RBFOX3: variants seen among roughly 807,000 people sequenced by gnomAD.
RBFOX3 encodes RNA binding fox-1 homolog 3, also known as RNA binding protein fox-1 homolog 3.
In RBFOX3, 17 loss-of-function variants were observed where a neutral mutation model predicts 48.7. That is an observed-to-expected ratio of 0.35 (90% CI 0.24 to 0.52). The LOEUF (loss-of-function observed/expected upper bound fraction) is 0.52, where lower values mean the gene tolerates loss of function less well. RBFOX3 is among the 20% of genes least tolerant of loss of function. The pLI is 0.94. For missense variants in RBFOX3, 382 were observed against 497.5 expected (o/e 0.77, Z 2.21); for synonymous variants, 212 against 209.5 (o/e 1.01, Z -0.10).
intron 2 of RBFOX3, among the ~76,000 whole-genome samples, chr17:79,375,354 A>G (rs938969195): frequency 2.0e-5 from 2 of 101,122 alleles, no homozygotes; most frequent in African/African-American, 7.1e-5. Context: ...TTAGGAAGAC[A>G]GAAGACACAC....
At chr17:79,416,788 T>C (rs1555719325) in intron 2 of RBFOX3, among the ~76,000 whole-genome samples, 1 of 152,230 alleles carries the variant, frequency 6.6e-6, no homozygotes, top group African/African-American at 2.4e-5. Flanking sequence ...TTGTGACCTT[T>C]AGAATCTAAA....
chr17:79,288,205 GC>G (rs1309971874), intron 3 of RBFOX3, among the ~76,000 whole-genome samples: 1 of 152,074 alleles, frequency 6.6e-6, no homozygotes, highest in Non-Finnish European at 1.5e-5. Context: ...CTTGCTGGCT[GC>G]CCGTCCCCTC....
the RBFOX3 span, among the ~76,000 whole-genome samples, chr17:79,621,999 G>T: frequency 0.049 from 7,510 of 152,278 alleles, 613 homozygotes; most frequent in African/African-American, 0.17. Flanking sequence ...TGAACTGTGC[G>T]TGTCTTTGAA....
At chr17:79,140,768 G>A (rs574101737) in intron 4 of RBFOX3, among the ~76,000 whole-genome samples, 1 of 152,350 alleles carries the variant, frequency 6.6e-6, no homozygotes, top group South Asian at 2.1e-4. Context: ...GGAGAGACAG[G>A]TTTAACTGTG....
chr17:79,155,554 G>A (rs1428384398), intron 4 of RBFOX3, among the ~76,000 whole-genome samples: 4 of 152,226 alleles, frequency 2.6e-5, no homozygotes, highest in Admixed American at 6.5e-5. Context: ...AATGCTGTAC[G>A]GCAGAGGTGG....
chr17:79,114,556 C>T (rs938820350), intron 5 of RBFOX3, among the ~76,000 whole-genome samples: 2 of 152,234 alleles, frequency 1.3e-5, no homozygotes, highest in African/African-American at 4.8e-5. Flanking sequence ...GTCCACGCAG[C>T]ACGCTGGGAG....
intron 1 of RBFOX3, among the ~76,000 whole-genome samples, chr17:79,498,868 T>TCATCTATC (rs2081984933): frequency 7.4e-6 from 1 of 135,650 alleles, no homozygotes; most frequent in Non-Finnish European, 1.6e-5. Flanking sequence ...ACCCATTCGC[T>TCATCTATC]CATCCATCCA....
At chr17:79,459,734 A>G (rs1373193548) in intron 2 of RBFOX3, among the ~76,000 whole-genome samples, 2 of 152,208 alleles carry the variant, frequency 1.3e-5, no homozygotes, top group African/African-American at 4.8e-5. Context: ...CAGGTGGGAC[A>G]CAGAGATGAT....
intron 3 of RBFOX3, among the ~76,000 whole-genome samples, chr17:79,239,327 C>T (rs1464875385): frequency 6.6e-6 from 1 of 152,206 alleles, no homozygotes; most frequent in Non-Finnish European, 1.5e-5. Context: ...AAACACGGAG[C>T]TGATTCTCAG....
intron 4 of RBFOX3, among the ~76,000 whole-genome samples, chr17:79,178,660 A>G (rs142407418): frequency 8.5e-4 from 129 of 152,328 alleles, no homozygotes; most frequent in African/African-American, 3.0e-3. Context: ...AAGAACCCAC[A>G]AATGTAACCG....
At chr17:79,251,098 C>T (rs183808416) in intron 3 of RBFOX3, among the ~76,000 whole-genome samples, 217 of 152,186 alleles carry the variant, frequency 1.4e-3, no homozygotes, top group African/African-American at 5.0e-3. Flanking sequence ...CTGCCGCGCC[C>T]GGCCTATCCC....
the RBFOX3 span, among the ~76,000 whole-genome samples, chr17:79,653,883 CAAAA>C: frequency 4.5e-5 from 3 of 66,566 alleles, no homozygotes; most frequent in Admixed American, 1.7e-4. Flanking sequence ...TCTCTACCAC[CAAAA>C]AAAAAAAAAA....
chr17:79,556,237 C>G (rs2091746461), intron 1 of RBFOX3, among the ~76,000 whole-genome samples: 1 of 152,156 alleles, frequency 6.6e-6, no homozygotes, highest in Admixed American at 6.5e-5. Flanking sequence ...CCCTGCTGAC[C>G]CCTCAAACAC....
Position 79,346,246 on chromosome 17 carries a change from T to C in RBFOX3, c.-174-38422A>G, listed in dbSNP as rs1233689764. ...CCTCCTCTAAGAGATTTTTGACATT[T>C]AACTACTTCATCCACCTATGTCCAT... On this transcript the variant is annotated intron_variant, in intron 2 of 14. Transcript: ENST00000693108. Among the ~76,000 whole-genome samples, 4 of 152,186 alleles carry C rather than the reference T, an allele frequency of 2.6e-5. No homozygotes were observed. In the South Asian group the frequency reaches 6.2e-4, roughly 24 times the overall value.
chr17:79,643,462 A>G, the RBFOX3 span, among the ~76,000 whole-genome samples: 1 of 152,170 alleles, frequency 6.6e-6, no homozygotes, highest in Non-Finnish European at 1.5e-5. Flanking sequence ...ATAGAACACT[A>G]AATTCAACAA....
chr17:79,166,169 A>G (rs2047964279), intron 4 of RBFOX3, among the ~76,000 whole-genome samples: 1 of 151,520 alleles, frequency 6.6e-6, no homozygotes, highest in Non-Finnish European at 1.5e-5. Context: ...CCGGGCAGGT[A>G]AGGGCGAACC....
chr17:79,463,158 TCGCCACTGCCACCTCCAC>T (rs2075665398), intron 2 of RBFOX3, among the ~76,000 whole-genome samples: 1 of 62,902 alleles, frequency 1.6e-5, no homozygotes, highest in African/African-American at 6.2e-5. Flanking sequence ...TCCACCACCA[TCGCCACTGCCACCTCCAC>T]CGCCATCGCC....
chr17:79,314,801 GA>G (rs1431606989), intron 2 of RBFOX3, among the ~76,000 whole-genome samples: 1 of 152,216 alleles, frequency 6.6e-6, no homozygotes, highest in East Asian at 1.9e-4. Context: ...TCAAGGGACA[GA>G]AATAATAGAT....
intron 2 of RBFOX3, among the ~76,000 whole-genome samples, chr17:79,397,500 A>G (rs1384429279): frequency 6.6e-6 from 1 of 150,900 alleles, no homozygotes; most frequent in Non-Finnish European, 1.5e-5. Context: ...CCCCAAAAAA[A>G]AAAAAAAAGT....
Sources: gnomAD v4.1 joint callset for allele counts (sites outside exome capture counted in the v4.1 genomes callset) on GRCh38, gnomAD v4.1.1 for gene constraint, MANE v1.5 for transcripts, NCBI Gene and HGNC (gene_info 2026-07-23, HGNC 2026-07-21) for gene names.